Variants in SPTBN1 observed in about 807,000 individuals in gnomAD.
The protein encoded by SPTBN1 is spectrin beta chain, non-erythrocytic 1.
Under a neutral mutation model 266.4 loss-of-function variants are expected in SPTBN1, and 32 were observed. The ratio of observed to expected loss-of-function variants is 0.12; its 90% CI spans 0.09 to 0.16. The LOEUF (loss-of-function observed/expected upper bound fraction) is 0.16, where lower values mean the gene tolerates loss of function less well. Among genes scored for constraint, SPTBN1 ranks in the 10% least tolerant of loss-of-function variants. The probability of loss-of-function intolerance (pLI) is 1.00; values close to 1 mark genes in which losing one functional copy is unlikely to be tolerated. For synonymous variants in SPTBN1, 1,336 were observed against 1,162.2 expected (o/e 1.15, Z -3.04); for missense variants, 2,296 against 3,067.1 (o/e 0.75, Z 5.94).
intron 18 of SPTBN1, among the ~76,000 whole-genome samples, chr2:54,641,451 C>T (rs938242467): frequency 6.6e-6 from 1 of 152,214 alleles, no homozygotes; most frequent in African/African-American, 2.4e-5. Context: ...TTTACTTTAA[C>T]TTCTTTTCCC....
intron 3 of SPTBN1, among the ~76,000 whole-genome samples, chr2:54,609,804 C>A (rs1266829457): frequency 6.6e-6 from 1 of 152,164 alleles, no homozygotes; most frequent in African/African-American, 2.4e-5. Flanking sequence ...AGAACCAATT[C>A]AGAAAACCGG....
At chr2:54,643,223 C>T in intron 19 of SPTBN1, 94 bp downstream of exon 19, 1 of 1,525,388 alleles carries the variant, frequency 6.6e-7, no homozygotes, top group South Asian at 1.3e-5. Flanking sequence ...CATATCTGAT[C>T]TTATCTGTAC....
chr2:54,574,568 T>C (rs909892496), intron 2 of SPTBN1, among the ~76,000 whole-genome samples: 1 of 152,194 alleles, frequency 6.6e-6, no homozygotes, highest in African/African-American at 2.4e-5. Context: ...GGTCAGGTCT[T>C]CTCACCCAGG....
chr2:54,583,650 G>A (rs1023192710), intron 2 of SPTBN1, among the ~76,000 whole-genome samples: 3 of 152,098 alleles, frequency 2.0e-5, no homozygotes, highest in Admixed American at 6.6e-5. Context: ...TTTGTTTGCC[G>A]TATTATGCTT....
chr2:54,644,583 A>G lies in SPTBN1; in HGVS notation c.4266A>G (p.Gln1422=), dbSNP rs1359503718. Residue 1422 remains glutamine (Q), a synonymous_variant, in exon 20 of 36, where the codon CAA becomes CAG. Transcript: ENST00000356805. ...LTSVNILLKK[Q]QMLENQMEVR... ...GTGTCAATATCCTGCTGAAAAAGCAACAGGCAAGTGGACAAGCCATCATGG... is the reference window on the plus strand; with the variant it reads ...GTGTCAATATCCTGCTGAAAAAGCAGCAGGCAAGTGGACAAGCCATCATGG... 5.6e-6 allele frequency: 9 copies of G among 1,601,348 alleles called. No homozygotes were observed. The highest frequency in any genetic ancestry group is 1.1e-5 in the South Asian group (1 of 90,606).
chr2:54,511,868 C>T (rs1164920345), intron 1 of SPTBN1, among the ~76,000 whole-genome samples: 1 of 151,978 alleles, frequency 6.6e-6, no homozygotes, highest in East Asian at 1.9e-4. Flanking sequence ...TAGACTCCAT[C>T]TCAAAAAATA....
Position 54,496,441 on chromosome 2 carries a change from A to T in SPTBN1, c.-47-29931A>T, listed in dbSNP as rs985238342. 2.6e-3 allele frequency among the ~76,000 whole-genome samples: 358 copies of T among 139,416 alleles called. 1 individual carries two copies. Among genetic ancestry groups the T allele is most frequent in the African/African-American group, 8.9e-3 (352 of 39,520 alleles). The allele number at this position is 139,416 out of a possible 152,430, so 91.5% of individuals were successfully genotyped here. A position where few individuals can be genotyped will look rare whatever the true frequency, so the allele number is the denominator to read the frequency against. On this transcript the variant is annotated intron_variant, in intron 1 of 35. Coordinates refer to ENST00000356805, the MANE Select transcript of SPTBN1 (RefSeq NM_003128.3). ...CGACAGAGTGATACTCCGTGTCTTA[A>T]AAAAAAAAAAAAAAAAAAGTATGAA...
intron 19 of SPTBN1, 93 bp from the exon 20 acceptor site, chr2:54,644,230 T>C: frequency 1.3e-6 from 2 of 1,486,300 alleles, no homozygotes; most frequent in Non-Finnish European, 1.8e-6. Flanking sequence ...AATGGTTAAA[T>C]CACAGATCAA....
intron 1 of SPTBN1, among the ~76,000 whole-genome samples, chr2:54,461,099 C>G (rs13033704): frequency 1.3e-5 from 2 of 152,090 alleles, no homozygotes; most frequent in African/African-American, 2.4e-5. Flanking sequence ...ATCATCCCAT[C>G]TGAAACAACC....
At chr2:54,655,767 T>C in intron 28 of SPTBN1, 147 bp from the exon 29 acceptor site, 3 of 582,874 alleles carry the variant, frequency 5.1e-6, no homozygotes, top group Non-Finnish European at 9.2e-6. Flanking sequence ...CCTCTCCCAG[T>C]CCTCAGACAG....
chr2:54,658,230 GT>G (rs752751864), intron 30 of SPTBN1, among the ~76,000 whole-genome samples, 184 bp downstream of exon 30: 46 of 152,280 alleles, frequency 3.0e-4, no homozygotes, highest in Non-Finnish European at 5.7e-4. Context: ...GGTCAGGACT[GT>G]TACCTCCTCA....
intron 3 of SPTBN1, among the ~76,000 whole-genome samples, chr2:54,601,704 C>T (rs1676511812): frequency 6.6e-6 from 1 of 152,170 alleles, no homozygotes; most frequent in Non-Finnish European, 1.5e-5. Context: ...CACTTAACCA[C>T]CAGCTTGGCA....
rs138640980 is a variant in SPTBN1 at position 54,636,960 on chromosome 2, A to C, written c.3768-753A>C. On this transcript the variant is annotated intron_variant, in intron 17 of 35. Coordinates refer to ENST00000356805, the MANE Select transcript of SPTBN1 (RefSeq NM_003128.3). ...CTAGGCATTCACGCTGCTATTTCTC[A>C]GTTTCCAGTCTCTAAGCCACTGGGT... is the stretch of plus-strand genomic sequence containing the variant. Among the ~76,000 whole-genome samples the C allele has an allele frequency of 5.4e-3, 826 of 152,308 alleles. 6 individuals are homozygous for C. The highest frequency in any genetic ancestry group is 0.019 in the African/African-American group (792 of 41,568).
intron 26 of SPTBN1, chr2:54,652,771 C>T (rs997741496): frequency 3.9e-5 from 6 of 152,226 alleles, no homozygotes; most frequent in Admixed American, 3.3e-4. Context: ...TGACACATTA[C>T]AGTATCTCCA....
At chr2:54,581,422 T>C (rs1172675508) in intron 2 of SPTBN1, among the ~76,000 whole-genome samples, 2 of 152,134 alleles carry the variant, frequency 1.3e-5, no homozygotes, top group Non-Finnish European at 2.9e-5. Flanking sequence ...ATGGGTATCC[T>C]TTTGATGCTG....
At chr2:54,478,534 G>A (rs1303695908) in intron 1 of SPTBN1, among the ~76,000 whole-genome samples, 1 of 152,178 alleles carries the variant, frequency 6.6e-6, no homozygotes, top group Admixed American at 6.5e-5. Context: ...ACATCCACAT[G>A]ATTGTATCAA....
At chr2:54,477,112 G>A (rs79647398) in intron 1 of SPTBN1, among the ~76,000 whole-genome samples, 5,124 of 152,108 alleles carry the variant, frequency 0.034, 111 homozygotes, top group South Asian at 0.075. Flanking sequence ...ACTGAAATGA[G>A]GGCTCTGATA....
At chr2:54,592,668 T>C (rs1474850412) in intron 2 of SPTBN1, among the ~76,000 whole-genome samples, 1 of 152,244 alleles carries the variant, frequency 6.6e-6, no homozygotes, top group Non-Finnish European at 1.5e-5. Flanking sequence ...GAATTACAGG[T>C]GTGAGCCAAC....
At chr2:54,544,953 G>A (rs1356427597) in intron 2 of SPTBN1, among the ~76,000 whole-genome samples, 1 of 151,966 alleles carries the variant, frequency 6.6e-6, no homozygotes, top group Admixed American at 6.6e-5. Context: ...TAGGCCCCAG[G>A]GTGTGATGTT....
Sources: gnomAD v4.1 joint callset for allele counts (sites outside exome capture counted in the v4.1 genomes callset) on GRCh38, gnomAD v4.1.1 for gene constraint, MANE v1.5 for transcripts, NCBI Gene and HGNC (gene_info 2026-07-23, HGNC 2026-07-21) for gene names.